FGFR3: variants seen among roughly 807,000 people sequenced by gnomAD.
The protein encoded by FGFR3 is fibroblast growth factor receptor 3.
A neutral mutation model predicts 82.9 loss-of-function variants in FGFR3; 25 were observed. That is an observed-to-expected ratio of 0.30 (90% confidence interval 0.22 to 0.42). FGFR3 has a LOEUF of 0.42. Ranked by LOEUF, FGFR3 falls within the 10% of genes least tolerant of loss-of-function variation. FGFR3 has a pLI of 1.00. For synonymous variants in FGFR3, 620 were observed against 516.0 expected, an observed-to-expected ratio of 1.20 and a Z score of -2.73; for missense variants, 1,026 against 1,161.0, an observed-to-expected ratio of 0.88 and a Z score of 1.69.
rs773197447 is a variant in FGFR3, at chr4:1,807,159, G to C, written c.2318G>C (p.Gly773Ala). 9 of 1,600,836 alleles carry C rather than the reference G, an allele frequency of 5.6e-6. No homozygotes were observed. In the South Asian group the frequency reaches 1.0e-4, roughly 18 times the overall value. ...GCGCCTTTCGAGCAGTACTCCCCGGGTGGCCAGGACACCCCCAGCTCCAGC... is the reference window on the plus strand; with the variant it reads ...GCGCCTTTCGAGCAGTACTCCCCGGCTGGCCAGGACACCCCCAGCTCCAGC... ...LSAPFEQYSP[G>A]GQDTPSSSSS... Residue 773 changes from glycine to alanine, a missense_variant, in exon 18 of 18, where the codon GGT becomes GCT. Around this residue, in one of 9 missense-constraint regions of FGFR3, gnomAD observed 155 missense variants for 150.2 expected, o/e 1.03. Coordinates refer to ENST00000440486, the MANE Select transcript of FGFR3 (RefSeq NM_000142.5).
In FGFR3 at chr4:1,798,663, C is replaced by T. The variant is rs573887156; in HGVS notation, c.110-591C>T. Among the ~76,000 whole-genome samples the T allele has an allele frequency of 2.0e-5, 3 of 152,272 alleles. No homozygotes were observed. The East Asian group carries it at 5.8e-4, about 30-fold the overall frequency. On this transcript the variant is annotated intron_variant, in intron 2 of 17. Coordinates refer to ENST00000440486, the MANE Select transcript of FGFR3 (RefSeq NM_000142.5). ...CCTTCCTTCTCGCCTGTTCTGTTCC[C>T]TGGCTGTCCATCTGAACTGCTTTTC...
chr4:1,797,200 A>G (rs187991071), intron 2 of FGFR3, among the ~76,000 whole-genome samples: 173 of 152,156 alleles, frequency 1.1e-3, no homozygotes, highest in African/African-American at 4.0e-3. Context: ...GGGGGGCTAT[A>G]GCTCTCCCCA....
chr4:1,802,495 G>T (rs984949585), intron 7 of FGFR3, among the ~76,000 whole-genome samples: 2 of 152,218 alleles, frequency 1.3e-5, no homozygotes, highest in African/African-American at 2.4e-5. Flanking sequence ...GCTGCCGGGT[G>T]GGGGCCACTG....
chr4:1,802,146 G>C, intron 7 of FGFR3, 121 bp downstream of exon 7: 5 of 1,090,044 alleles, frequency 4.6e-6, no homozygotes, highest in Non-Finnish European at 6.7e-6. Flanking sequence ...GGGGGCAGAA[G>C]CTGTGGGGGT....
At chr4:1,804,649 C>T (rs1721646479) in intron 9 of FGFR3, 129 bp downstream of exon 9, 19 of 1,440,206 alleles carry the variant, frequency 1.3e-5, no homozygotes, top group Admixed American at 8.5e-5. Context: ...CTCTCCTCGT[C>T]TCTGCTCACC....
At position 1,805,549 on chromosome 4, in the gene FGFR3, C is replaced by T. The variant is rs750218321; in HGVS notation, c.1535-10C>T. 4.3e-6 allele frequency: 7 copies of T among 1,612,846 alleles called. No homozygotes were observed. In the South Asian group the frequency reaches 6.6e-5, roughly 15 times the overall value. Reference sequence around the variant, plus strand: ...CGCCGCCTGACACAGGCCCCCCGCTCCGTGCACAGACGATGCCACTGACAA... The same window carrying T: ...CGCCGCCTGACACAGGCCCCCCGCTTCGTGCACAGACGATGCCACTGACAA... On this transcript the variant is annotated splice_polypyrimidine_tract_variant and intron_variant, in intron 11 of 17. Coordinates refer to ENST00000440486, the MANE Select transcript of FGFR3 (RefSeq NM_000142.5).
At chr4:1,802,167 C>A (rs958425873) in intron 7 of FGFR3, 142 bp downstream of exon 7, 1 of 920,616 alleles carries the variant, frequency 1.1e-6, no homozygotes, top group Non-Finnish European at 1.7e-6. Context: ...GCTTGTGGGG[C>A]CAAGTCTCAG....
chr4:1,793,996 C>T lies in FGFR3; in HGVS notation c.62C>T (p.Ser21Phe), dbSNP rs587778351. Residue 21 changes from serine (S) to phenylalanine (F), a missense_variant, in exon 2 of 18, where the codon TCC becomes TTC. Ser to Phe is a radical substitution (Grantham distance 155). This residue lies in a region of FGFR3 where 226 missense variants were observed against 222.0 expected (regional missense o/e 1.02). Transcript: ENST00000440486. ...GCCGTGGCCATCGTGGCCGGCGCCT[C>T]CTCGGAGTCCTTGGGGACGGAGCAG... ...CVAVAIVAGA[S>F]SESLGTEQRV... The T allele has an allele frequency of 7.2e-6, 10 of 1,395,190 alleles. No homozygotes were observed. Among genetic ancestry groups the T allele is most frequent in the Non-Finnish European group, 9.4e-6 (10 of 1,062,616 alleles). 86.4% of individuals were successfully genotyped at this position (1,395,190 alleles called of 1,614,324 possible).
chr4:1,803,236 T>C (rs1408232327), intron 7 of FGFR3: 8 of 800,978 alleles, frequency 1.0e-5, no homozygotes, highest in African/African-American at 1.9e-5. Context: ...GACCGCCCGC[T>C]TCGAGCCCTG....
chr4:1,793,622 G>C (rs1463447141), intron 1 of FGFR3, among the ~76,000 whole-genome samples, 157 bp downstream of exon 1: 1 of 149,778 alleles, frequency 6.7e-6, no homozygotes, highest in South Asian at 2.1e-4. Flanking sequence ...CGCCGCCCTG[G>C]GAGGGCTTTG....
At chr4:1,798,267 C>G (rs534765640) in intron 2 of FGFR3, among the ~76,000 whole-genome samples, 2 of 151,922 alleles carry the variant, frequency 1.3e-5, no homozygotes, top group East Asian at 1.9e-4. Flanking sequence ...GGCTGCTGAC[C>G]TGCCCTGGCT....
In FGFR3 at chr4:1,794,388, G is replaced by A. The variant is rs17880324; in HGVS notation, c.109+345G>A. On this transcript the variant is annotated intron_variant, in intron 2 of 17. Coordinates refer to ENST00000440486, the MANE Select transcript of FGFR3 (RefSeq NM_000142.5). The stretch of plus-strand genomic sequence containing the variant: ...TTCCCGCTGTTGTTATTCGGGTTCT[G>A]CGCAGACGGAAAGTTCCCATTGTTG... Among the ~76,000 whole-genome samples, 981 of 152,292 alleles carry A rather than the reference G, an allele frequency of 6.4e-3. 5 individuals carry two copies. Among genetic ancestry groups the A allele is most frequent in the Middle Eastern group, 0.031 (9 of 294 alleles).
chr4:1,801,371 C>T lies in FGFR3; in HGVS notation c.450C>T (p.Ala150=), dbSNP rs1002595049. ...EAEDTGVDTG[A]PYWTRPERMD... ...CACACGCACCTCGGCCCGCAGGGGC[C>T]CCTTACTGGACACGGCCCGAGCGGA... The change falls in exon 5 of 18, where the codon GCC becomes GCT. Residue 150 remains alanine (A), a synonymous_variant. Coordinates refer to ENST00000440486, the MANE Select transcript of FGFR3 (RefSeq NM_000142.5). The T allele has an allele frequency of 6.4e-7, 1 of 1,555,376 alleles. No individual in the cohort carries two copies. The highest frequency in any genetic ancestry group is 2.4e-5 in the East Asian group (1 of 41,510).
At chr4:1,801,332 C>A in intron 4 of FGFR3, 35 bp from the exon 5 acceptor site, 1 of 1,542,226 alleles carries the variant, frequency 6.5e-7, no homozygotes, top group Non-Finnish European at 8.7e-7. Flanking sequence ...TGCTCCCACT[C>A]GGGTCATGGC....
At chr4:1,796,182 C>T (rs973831685) in intron 2 of FGFR3, among the ~76,000 whole-genome samples, 3 of 152,162 alleles carry the variant, frequency 2.0e-5, no homozygotes, top group African/African-American at 7.2e-5. Flanking sequence ...TAGGGGTCAG[C>T]CTGGACCTCT....
Position 1,793,954 on chromosome 4 carries a change from C to T in FGFR3, c.20C>T (p.Ala7Val), listed in dbSNP as rs2108751877. The T allele has an allele frequency of 1.5e-6, 2 of 1,355,030 alleles. No individual in the cohort carries two copies. The highest frequency in any genetic ancestry group is 1.9e-5 in the South Asian group (1 of 53,424). The allele number at this position is 1,355,030 out of a possible 1,614,324, so 83.9% of individuals were successfully genotyped here. A position where few individuals can be genotyped will look rare whatever the true frequency, so the allele number is the denominator to read the frequency against. Reference protein sequence around the residue: MGAPACALALCVAVAIV... With the variant: MGAPACVLALCVAVAIV... ...CCCGCCATGGGCGCCCCTGCCTGCG[C>T]CCTCGCGCTCTGCGTGGCCGTGGCC... The change falls in exon 2 of 18, where the codon GCC becomes GTC. Residue 7 changes from alanine (A) to valine (V), a missense_variant. By Grantham distance (64) the Ala-to-Val change is moderately conservative. This residue lies in a region of FGFR3 where 226 missense variants were observed against 222.0 expected (regional missense o/e 1.02). Coordinates refer to ENST00000440486, the MANE Select transcript of FGFR3 (RefSeq NM_000142.5).
chr4:1,803,790 T>A lies in FGFR3; in HGVS notation c.1029T>A (p.Asn343Lys). The stretch of plus-strand genomic sequence containing the variant: ...GGGAGTACACCTGCCTGGCGGGCAA[T>A]TCTATTGGGTTTTCTCATCACTCTG... ...DAGEYTCLAG[N>K]SIGFSHHSAW... The change falls in exon 8 of 18, where the codon AAT becomes AAA. Residue 343 changes from asparagine to lysine, a missense_variant. Coordinates refer to ENST00000440486, the MANE Select transcript of FGFR3 (RefSeq NM_000142.5). 1 of 1,614,024 alleles carries A rather than the reference T, an allele frequency of 6.2e-7. No homozygotes were observed. The highest frequency in any genetic ancestry group is 8.5e-7 in the Non-Finnish European group (1 of 1,179,992).
At chr4:1,796,497 T>G (rs1423277426) in intron 2 of FGFR3, among the ~76,000 whole-genome samples, 1 of 152,066 alleles carries the variant, frequency 6.6e-6, no homozygotes, top group Non-Finnish European at 1.5e-5. Flanking sequence ...CCAGAATGTG[T>G]TGTTTCCTGA....
At chr4:1,805,980 C>T (rs370664514) in intron 13 of FGFR3, 40 bp downstream of exon 13, 48 of 1,610,118 alleles carry the variant, frequency 3.0e-5, no homozygotes, top group Admixed American at 5.0e-5. Flanking sequence ...AGGCTGGGCC[C>T]TGCCCTGAGA....
Sources: gnomAD v4.1 joint callset for allele counts (sites outside exome capture counted in the v4.1 genomes callset) on GRCh38, gnomAD v4.1.1 for gene constraint, gnomAD v4.1.1 regional missense constraint, MANE v1.5 for transcripts, NCBI Gene and HGNC (gene_info 2026-07-23, HGNC 2026-07-21) for gene names.